The following ATAT1 variants were observed in gnomAD, a reference collection of about 807,000 sequenced individuals.
The protein encoded by ATAT1 is alpha tubulin acetyltransferase 1, also known as alpha-tubulin N-acetyltransferase 1.
A neutral mutation model predicts 57.2 loss-of-function variants in ATAT1; 42 were observed. The observed-to-expected ratio is 0.73, with a 90% CI of 0.57 to 0.95. ATAT1 has a LOEUF of 0.95. Among genes scored for constraint, ATAT1 ranks in the 40% least tolerant of loss-of-function variants. ATAT1 has a pLI of 0.00. For missense variants in ATAT1, 454 were observed against 523.7 expected (o/e 0.87, Z 1.30); for synonymous variants, 168 against 187.1 (o/e 0.90, Z 0.83).
chr6:30,646,226 T>G (rs1230433424), intron 12 of ATAT1, 117 bp downstream of exon 12: 5 of 1,487,728 alleles, frequency 3.4e-6, no homozygotes, highest in Non-Finnish European at 3.6e-6. Context: ...CACCAGCTCC[T>G]CCCACAATTC....
At position 30,645,978 on chromosome 6, in the gene ATAT1, A is replaced by C; in HGVS notation, c.1012+4A>C. 6.3e-7 allele frequency: 1 copy of C among 1,590,488 alleles called. No individual in the cohort carries two copies. The highest frequency in any genetic ancestry group is 8.6e-7 in the Non-Finnish European group (1 of 1,168,010). Reference sequence around the variant, plus strand: ...AATTCCTCATCCCCCAATACAGGTAAGTATTCACTCCTCCCTACCCTCAAA... The same window carrying C: ...AATTCCTCATCCCCCAATACAGGTACGTATTCACTCCTCCCTACCCTCAAA... On this transcript the variant is annotated splice_donor_region_variant and intron_variant, in intron 11 of 12. Transcript: ENST00000330083.
intron 8 of ATAT1, 125 bp downstream of exon 8, chr6:30,640,728 G>A: frequency 9.1e-7 from 1 of 1,093,242 alleles, no homozygotes; most frequent in Non-Finnish European, 1.3e-6. Context: ...GTCTCCAGCA[G>A]TCATGACTGT....
At chr6:30,627,302 G>A (rs1410839845) in intron 1 of ATAT1, 158 bp from the exon 2 acceptor site, 2 of 1,613,654 alleles carry the variant, frequency 1.2e-6, no homozygotes. Flanking sequence ...GTTTCAGAAG[G>A]GTGGGGTGGG....
chr6:30,644,085 T>A, intron 10 of ATAT1: 1 of 987,520 alleles, frequency 1.0e-6, no homozygotes, highest in Non-Finnish European at 1.2e-6. Flanking sequence ...CAGAGCAGTC[T>A]AGTTAGGTAG....
At chr6:30,637,755 A>G (rs2127528110) in intron 6 of ATAT1, among the ~76,000 whole-genome samples, 1 of 151,588 alleles carries the variant, frequency 6.6e-6, no homozygotes, top group African/African-American at 2.4e-5. Flanking sequence ...AGGCGGGCGG[A>G]TCACGAGGTC....
At chr6:30,645,533 G>C (rs939260594) in intron 10 of ATAT1, among the ~76,000 whole-genome samples, 112 of 152,254 alleles carry the variant, frequency 7.4e-4, no homozygotes, top group African/African-American at 2.3e-3. Context: ...GAATCTTATA[G>C]TTAAGGTAAC....
chr6:30,639,689 G>C (rs1764985951), intron 6 of ATAT1, among the ~76,000 whole-genome samples: 2 of 151,818 alleles, frequency 1.3e-5, no homozygotes, highest in Admixed American at 6.6e-5. Context: ...ATGTTAGCCA[G>C]GATGGTCTCG....
chr6:30,627,809 A>G (rs1761997379), intron 3 of ATAT1, 42 bp from the exon 4 acceptor site: 2 of 1,608,070 alleles, frequency 1.2e-6, no homozygotes, highest in East Asian at 2.2e-5. Context: ...TCTCTTGCAG[A>G]TAGATACCAC....
At chr6:30,639,902 G>A (rs1765042671) in intron 6 of ATAT1, among the ~76,000 whole-genome samples, 1 of 152,062 alleles carries the variant, frequency 6.6e-6, no homozygotes, top group South Asian at 2.1e-4. Context: ...TGGAGGCTGA[G>A]GCAGAAGGAT....
At chr6:30,630,807 G>A (rs760788887) in intron 6 of ATAT1, among the ~76,000 whole-genome samples, 123 of 151,658 alleles carry the variant, frequency 8.1e-4, no homozygotes, top group African/African-American at 2.4e-3. Flanking sequence ...GCATGATGGC[G>A]TGCGCCTGTA....
intron 6 of ATAT1, among the ~76,000 whole-genome samples, chr6:30,637,228 A>G (rs999764261): frequency 1.3e-5 from 2 of 152,126 alleles, no homozygotes; most frequent in African/African-American, 4.8e-5. Context: ...ATCTCAGTGG[A>G]TTCTTGCACA....
chr6:30,643,173 GA>G, intron 10 of ATAT1, 162 bp downstream of exon 10: 1 of 1,466,048 alleles, frequency 6.8e-7, no homozygotes, highest in East Asian at 2.4e-5. Flanking sequence ...AGTGATCTGG[GA>G]AAAAAATGCA....
At chr6:30,636,447 G>A (rs779228626) in intron 6 of ATAT1, among the ~76,000 whole-genome samples, 3 of 152,008 alleles carry the variant, frequency 2.0e-5, no homozygotes, top group African/African-American at 7.2e-5. Flanking sequence ...TTAGCTGGGC[G>A]TGGTGGCAGG....
At chr6:30,628,751 C>A (rs147478648) in intron 6 of ATAT1, among the ~76,000 whole-genome samples, 4,712 of 151,442 alleles carry the variant, frequency 0.031, 118 homozygotes, top group African/African-American at 0.071. Flanking sequence ...ACTACAGGCA[C>A]CCACCACCAC....
At position 30,626,953 on chromosome 6, in the gene ATAT1, G is replaced by T; in HGVS notation, c.-251G>T. ...ATCACGGTGCTGGACCAGCACCTGA[G>T]GCCCCCAGCCCGCCGACCCGGAACC... On this transcript the variant is annotated 5_prime_UTR_variant, in exon 1 of 13. Coordinates refer to ENST00000330083, the MANE Select transcript of ATAT1 (RefSeq NM_001031722.4). 6.2e-7 allele frequency: 1 copy of T among 1,607,680 alleles called. No individual in the cohort carries two copies. The highest frequency in any genetic ancestry group is 2.2e-5 in the East Asian group (1 of 44,658).
chr6:30,639,317 A>G (rs1007526892), intron 6 of ATAT1, among the ~76,000 whole-genome samples: 1 of 151,906 alleles, frequency 6.6e-6, no homozygotes, highest in South Asian at 2.1e-4. Context: ...CCATTTGTGT[A>G]TCTTCTTTAG....
chr6:30,627,037 C>T lies in ATAT1; in HGVS notation c.-167C>T. On this transcript the variant is annotated 5_prime_UTR_variant, in exon 1 of 13. Coordinates refer to ENST00000330083, the MANE Select transcript of ATAT1 (RefSeq NM_001031722.4). ...CTCTGGCCCTTTTCTCCCGGTTCCT[C>T]TCCAAACCTGGTCCAGGCACCACGC... 6.4e-7 allele frequency: 1 copy of T among 1,553,710 alleles called. No individual in the cohort carries two copies. The highest frequency in any genetic ancestry group is 1.7e-4 in the Middle Eastern group (1 of 5,974).
chr6:30,643,163 A>G, intron 10 of ATAT1, 152 bp downstream of exon 10: 1 of 1,478,864 alleles, frequency 6.8e-7, no homozygotes, highest in Non-Finnish European at 9.0e-7. Flanking sequence ...TATTTGTGCA[A>G]GTGATCTGGG....
intron 6 of ATAT1, among the ~76,000 whole-genome samples, chr6:30,636,590 AAAAT>A (rs989196078): frequency 6.6e-6 from 1 of 151,842 alleles, no homozygotes; most frequent in Non-Finnish European, 1.5e-5. Flanking sequence ...TGTCTCAAAA[AAAAT>A]AAATAAATAA....
Sources: allele counts gnomAD v4.1 joint callset (sites outside exome capture counted in the v4.1 genomes callset), GRCh38; gene constraint gnomAD v4.1.1; transcripts MANE v1.5; gene names NCBI Gene and HGNC (gene_info 2026-07-23, HGNC 2026-07-21).